Variants in TOP1MT observed in about 807,000 individuals in gnomAD.
TOP1MT encodes DNA topoisomerase I, mitochondrial.
Under a neutral mutation model 73.9 loss-of-function variants are expected in TOP1MT, and 80 were observed. That is an observed-to-expected ratio of 1.08 (90% CI 0.90 to 1.30). TOP1MT has a LOEUF of 1.30. Ranked by LOEUF, TOP1MT falls within the 50% of genes most tolerant of loss-of-function variation. TOP1MT has a pLI of 0.00. For missense variants in TOP1MT, 815 were observed against 808.0 expected (o/e 1.01, Z -0.10); for synonymous variants, 338 against 326.4 (o/e 1.04, Z -0.38).
chr8:143,335,297 G>A (rs2130370495), upstream of TOP1MT, among the ~76,000 whole-genome samples: 1 of 152,320 alleles, frequency 6.6e-6, no homozygotes, highest in East Asian at 1.9e-4. Context: ...GACCACACAG[G>A]CTCAGATGGC....
chr8:143,346,474 C>T (rs1817222651), upstream of TOP1MT, among the ~76,000 whole-genome samples: 3 of 152,114 alleles, frequency 2.0e-5, no homozygotes, highest in Non-Finnish European at 4.4e-5. Context: ...ACAAACAAAG[C>T]AGCACAAGAG....
Position 143,326,279 on chromosome 8 carries a change from G to C in TOP1MT, c.426C>G (p.His142Gln), listed in dbSNP as rs1450340440. ...CTGCGGCCTTGTCCACAAAGTATCT[G>C]TGGATCTCCGTGAAGTCACACTTGT... ...SLDKCDFTEI[H>Q]RYFVDKAAAR... Residue 142 changes from histidine to glutamine, a missense_variant, in exon 4 of 14, where the codon CAC becomes CAG. By Grantham distance (24) the His-to-Gln change is conservative. Coordinates refer to ENST00000329245, the MANE Select transcript of TOP1MT (RefSeq NM_052963.3). The C allele has an allele frequency of 6.2e-7, 1 of 1,614,024 alleles. No individual in the cohort carries two copies. Among genetic ancestry groups the C allele is most frequent in the South Asian group, 1.1e-5 (1 of 91,088 alleles).
At chr8:143,317,131 G>A (rs1201670321) in intron 10 of TOP1MT, among the ~76,000 whole-genome samples, 7 of 152,236 alleles carry the variant, frequency 4.6e-5, no homozygotes, top group Admixed American at 6.5e-5. Flanking sequence ...TGCGGTGGGC[G>A]CCGGGGTGGG....
chr8:143,335,320 C>T (rs935094971), upstream of TOP1MT, among the ~76,000 whole-genome samples: 2 of 152,238 alleles, frequency 1.3e-5, no homozygotes, highest in Non-Finnish European at 2.9e-5. Flanking sequence ...CCTACCTCAT[C>T]CCCTACAAAC....
rs778858235 is a variant in TOP1MT at position 143,321,232 on chromosome 8, C to G, written c.1115G>C (p.Arg372Pro). ...CTCCACCGGCACTCTGTTGTAGTAG[C>G]GGATGCAGTCCTTCCCCAGGAAGTC... ...EFDFLGKDCI[R>P]YYNRVPVEKP... The change falls in exon 8 of 14, where the codon CGC (arginine) becomes CCC (proline). Residue 372 changes from arginine (R) to proline (P), a missense_variant. Physicochemically the swap from Arg to Pro is moderately radical, Grantham distance 103. Around this residue, in one of 3 missense-constraint regions of TOP1MT, gnomAD observed 751 missense variants for 725.4 expected, o/e 1.04. Transcript: ENST00000329245. 6.2e-7 allele frequency: 1 copy of G among 1,610,384 alleles called. No individual in the cohort carries two copies.
chr8:143,322,688 G>GCATGCCACACA, intron 7 of TOP1MT, among the ~76,000 whole-genome samples: 1 of 47,162 alleles, frequency 2.1e-5, no homozygotes, highest in African/African-American at 1.2e-4. Context: ...CGCCACACAC[G>GCATGCCACACA]CACGCCACAC....
At chr8:143,345,815 T>C (rs1817210740), upstream of TOP1MT, among the ~76,000 whole-genome samples, 1 of 152,134 alleles carries the variant, frequency 6.6e-6, no homozygotes, top group African/African-American at 2.4e-5. Flanking sequence ...CACAAAGCAT[T>C]TACTATTGCA....
chr8:143,317,936 A>G lies in TOP1MT; in HGVS notation c.1215+82T>C, dbSNP rs776526921. On this transcript the variant is annotated intron_variant, in intron 9 of 13. Coordinates refer to ENST00000329245, the MANE Select transcript of TOP1MT (RefSeq NM_052963.3). ...CATGTCAGCCGTTGGGTCAGGACAA[A>G]ACCCTGGGCCAGACTCAGCGCCCAC... 2.4e-4 allele frequency: 390 copies of G among 1,594,498 alleles called. 2 individuals carry two copies. Among genetic ancestry groups the G allele is most frequent in the East Asian group, 4.0e-4 (18 of 44,718 alleles).
At chr8:143,329,645 T>C (rs558545917) in intron 2 of TOP1MT, among the ~76,000 whole-genome samples, 174 bp from the exon 3 acceptor site, 3 of 152,306 alleles carry the variant, frequency 2.0e-5, no homozygotes, top group African/African-American at 4.8e-5. Context: ...ACAATCAACC[T>C]GCGTGGAGGT....
At chr8:143,329,837 G>C (rs1319225127) in intron 2 of TOP1MT, among the ~76,000 whole-genome samples, 1 of 152,120 alleles carries the variant, frequency 6.6e-6, no homozygotes, top group African/African-American at 2.4e-5. Flanking sequence ...AAAAGTTAAG[G>C]CTTCAAAGCA....
intron 7 of TOP1MT, among the ~76,000 whole-genome samples, chr8:143,322,315 CCATA>C (rs1410446431): frequency 1.6e-5 from 1 of 61,856 alleles, no homozygotes; most frequent in African/African-American, 7.7e-5. Context: ...CACAGGCACG[CCATA>C]CAGATGCATG....
In TOP1MT at chr8:143,309,457, TCTC is replaced by T. The variant is rs775496054; in HGVS notation, c.1787_1789del (p.Gly596del). 4.5e-5 allele frequency: 72 copies of T among 1,613,708 alleles called. No individual in the cohort carries two copies. Among genetic ancestry groups the T allele is most frequent in the Non-Finnish European group, 5.7e-5 (67 of 1,180,020 alleles). The stretch of plus-strand genomic sequence containing the variant: ...GGCTCGTCGTTAGAATTCAAAGTCT[TCTC>T]CTGCCATGGCGAGAGCCCAGGCGAA... On this transcript the variant is annotated inframe_deletion, in exon 14 of 14. Transcript: ENST00000329245.
intron 1 of TOP1MT, among the ~76,000 whole-genome samples, chr8:143,354,064 G>A (rs2450754): frequency 0.11 from 16,169 of 146,670 alleles, 3,045 homozygotes; most frequent in African/African-American, 0.38. Context: ...CTACATACCC[G>A]AAAGCACTGC....
intron 7 of TOP1MT, 89 bp downstream of exon 7, chr8:143,323,909 GC>G: frequency 6.8e-7 from 1 of 1,467,002 alleles, no homozygotes; most frequent in Non-Finnish European, 9.4e-7. Flanking sequence ...CCACACACAG[GC>G]CCACGTCGCC....
upstream of TOP1MT, among the ~76,000 whole-genome samples, chr8:143,335,287 G>C (rs1476805532): frequency 6.6e-6 from 1 of 152,204 alleles, no homozygotes; most frequent in Non-Finnish European, 1.5e-5. Flanking sequence ...CTGGAGAAGG[G>C]ACCACACAGG....
At chr8:143,317,536 A>G (rs1816202587) in intron 10 of TOP1MT, among the ~76,000 whole-genome samples, 187 bp downstream of exon 10, 1 of 152,132 alleles carries the variant, frequency 6.6e-6, no homozygotes, top group African/African-American at 2.4e-5. Flanking sequence ...CGAGAGCCAG[A>G]ACCTCCCTCC....
chr8:143,329,246 G>A (rs1816786285), intron 3 of TOP1MT, 104 bp downstream of exon 3: 1 of 1,306,726 alleles, frequency 7.7e-7, no homozygotes, highest in Non-Finnish European at 1.0e-6. Context: ...TCACACAGGG[G>A]CCACCGAGAA....
chr8:143,359,623 A>G (rs2977350), upstream of TOP1MT, among the ~76,000 whole-genome samples: 4 of 151,696 alleles, frequency 2.6e-5, no homozygotes, highest in South Asian at 8.4e-4. Flanking sequence ...GGGGGGACAC[A>G]AAAGGAGGGC....
At chr8:143,338,408 A>C (rs1208636804), upstream of TOP1MT, among the ~76,000 whole-genome samples, 7 of 152,080 alleles carry the variant, frequency 4.6e-5, no homozygotes, top group South Asian at 1.2e-3. Flanking sequence ...TCTCTACTAA[A>C]AATTCAAAAT....
Sources: allele counts gnomAD v4.1 joint callset (sites outside exome capture counted in the v4.1 genomes callset), GRCh38; gene constraint gnomAD v4.1.1; regional missense constraint gnomAD v4.1.1; transcripts MANE v1.5; gene names NCBI Gene and HGNC (gene_info 2026-07-23, HGNC 2026-07-21).